NAV1: variants seen among roughly 807,000 people sequenced by gnomAD.
The protein encoded by NAV1 is neuron navigator 1.
In NAV1, 18 loss-of-function variants were observed where a neutral mutation model predicts 175.2. The ratio of observed to expected loss-of-function variants is 0.10; its 90% confidence interval spans 0.07 to 0.15. The LOEUF (loss-of-function observed/expected upper bound fraction) is 0.15, where lower values mean the gene tolerates loss of function less well. Among genes scored for constraint, NAV1 ranks in the 10% least tolerant of loss-of-function variants. The pLI is 1.00. For missense variants in NAV1, 1,731 were observed against 2,436.6 expected, an observed-to-expected ratio of 0.71 and a Z score of 6.10; for synonymous variants, 897 against 978.7, an observed-to-expected ratio of 0.92 and a Z score of 1.56.
chr1:201,801,925 C>G (rs1411748957), intron 15 of NAV1, among the ~76,000 whole-genome samples: 1 of 151,686 alleles, frequency 6.6e-6, no homozygotes, highest in African/African-American at 2.4e-5. Flanking sequence ...CACCTGAGGT[C>G]AGAAGTTTGA....
chr1:201,767,708 A>G (rs951702920), intron 3 of NAV1, among the ~76,000 whole-genome samples: 1 of 152,050 alleles, frequency 6.6e-6, no homozygotes, highest in African/African-American at 2.4e-5. Context: ...TAGGTCACCA[A>G]CGTCTTAACA....
Position 201,740,205 on chromosome 1 carries a change from G to T in NAV1, c.1226+21450G>T, listed in dbSNP as rs956994552. 5.1e-6 allele frequency: 4 copies of T among 779,094 alleles called. No homozygotes were observed. The African/African-American group carries it at 5.5e-5, about 11-fold the overall frequency. 48.3% of individuals were successfully genotyped at this position (779,094 alleles called of 1,614,324 possible). On this transcript the variant is annotated intron_variant, in intron 3 of 29. Coordinates refer to ENST00000367296, the Ensembl canonical transcript of NAV1. This position sits in a 1 kb window ranked among gnomAD's most constrained non-coding sequence, Gnocchi z 4.7. ...CAGTCTCAGGGGCAGTGGGTGTGGG[G>T]TCCGCAAGAAGGAGGGTCTTGGCCG...
upstream of NAV1, chr1:201,622,754 C>T (rs1267714526): frequency 1.6e-5 from 15 of 912,332 alleles, no homozygotes; most frequent in Middle Eastern, 1.1e-3. Flanking sequence ...TCTGGGTGCT[C>T]GAGCCTCCCC....
At chr1:201,765,544 GCCACC>G (rs1391619369) in intron 3 of NAV1, among the ~76,000 whole-genome samples, 4 of 151,946 alleles carry the variant, frequency 2.6e-5, no homozygotes, top group Admixed American at 2.6e-4. Flanking sequence ...ACAGGCGCGT[GCCACC>G]ACACCTAGCT....
exon 1 of NAV1, chr1:201,648,544 C>A: frequency 2.4e-6 from 3 of 1,247,046 alleles, no homozygotes; most frequent in South Asian, 3.7e-5. Flanking sequence ...CCTTCTTCCT[C>A]GGTTTCTTCC....
intron 1 of NAV1, among the ~76,000 whole-genome samples, chr1:201,651,733 T>C (rs529613923): frequency 1.3e-5 from 2 of 152,076 alleles, no homozygotes; most frequent in African/African-American, 4.8e-5. Flanking sequence ...CTATGTCTAC[T>C]GGGTATGGGC....
chr1:201,658,084 G>C (rs767885106), intron 1 of NAV1, among the ~76,000 whole-genome samples: 6 of 152,122 alleles, frequency 3.9e-5, no homozygotes, highest in Non-Finnish European at 8.8e-5. Flanking sequence ...ACAGAGCTAG[G>C]ATTTAAACTT....
rs1678758605 is a variant in NAV1 at position 201,812,549 on chromosome 1, C to T, written c.5109C>T (p.Ser1703=). Reference sequence around the variant, plus strand: ...GGAGGAAGCTGGTAGAGTCAGACAGCGACATCAATGCCAACAAGGAAGAGC... The same window carrying T: ...GGAGGAAGCTGGTAGAGTCAGACAGTGACATCAATGCCAACAAGGAAGAGC... The change falls in exon 27 of 30, where the codon AGC becomes AGT. Residue 1703 remains serine (S), a synonymous_variant. Transcript: ENST00000367296. The surrounding 1 kb of genome is among the most constrained non-coding windows in gnomAD (Gnocchi z 4.6). The T allele has an allele frequency of 6.2e-7, 1 of 1,614,072 alleles. No homozygotes were observed. The highest frequency in any genetic ancestry group is 1.7e-5 in the Admixed American group (1 of 60,004).
rs749683065 is a variant in NAV1 at position 201,539,914 on chromosome 1, C to G, written c.-144+572C>G. On this transcript the variant is annotated intron_variant, in intron 1 of 33. Transcript: ENST00000685211. This position sits in a 1 kb window ranked among gnomAD's most constrained non-coding sequence, Gnocchi z 5.6. ...GCCCTCCCGCCAATCTCCCGGAGGCCGTCCTCTCTGGCGCCCGCCCAGTGC... is the reference window on the plus strand; with the variant it reads ...GCCCTCCCGCCAATCTCCCGGAGGCGGTCCTCTCTGGCGCCCGCCCAGTGC... Among the ~76,000 whole-genome samples the G allele has an allele frequency of 3.3e-5, 5 of 152,184 alleles. No homozygotes were observed. Among genetic ancestry groups the G allele is most frequent in the Non-Finnish European group, 7.3e-5 (5 of 68,036 alleles).
chr1:201,543,598 A>T (rs1665581078), intron 1 of NAV1, among the ~76,000 whole-genome samples: 2 of 152,030 alleles, frequency 1.3e-5, no homozygotes, highest in South Asian at 4.1e-4. Context: ...GGATGGGTTG[A>T]TGTATTTAAT....
intron 2 of NAV1, among the ~76,000 whole-genome samples, chr1:201,633,724 C>A (rs533318740): frequency 2.6e-5 from 4 of 152,330 alleles, no homozygotes; most frequent in African/African-American, 9.6e-5. Context: ...GACCTCCAGG[C>A]CAAGATGAGC....
Position 201,694,651 on chromosome 1 carries a change from C to T in NAV1, c.758-18166C>T, listed in dbSNP as rs1032088104. Among the ~76,000 whole-genome samples, 1 of 152,090 alleles carries T rather than the reference C, an allele frequency of 6.6e-6. No individual in the cohort carries two copies. Among genetic ancestry groups the T allele is most frequent in the Non-Finnish European group, 1.5e-5 (1 of 68,024 alleles). On this transcript the variant is annotated intron_variant, in intron 1 of 29. Transcript: ENST00000367296. The surrounding 1 kb of genome is among the most constrained non-coding windows in gnomAD (Gnocchi z 4.2). The stretch of plus-strand genomic sequence containing the variant: ...CTATTGACAAAGATGAGAAGTGAAC[C>T]GGGAGCCGTAAATAGCCAGGAGCCT...
intron 7 of NAV1, among the ~76,000 whole-genome samples, chr1:201,784,670 G>C: frequency 6.7e-6 from 1 of 150,174 alleles, no homozygotes; most frequent in African/African-American, 2.5e-5. Flanking sequence ...CCCGGGAGCT[G>C]CAACTACAGG....
At chr1:201,630,114 T>C (rs919785124) in intron 2 of NAV1, among the ~76,000 whole-genome samples, 46 of 152,238 alleles carry the variant, frequency 3.0e-4, no homozygotes, top group Non-Finnish European at 5.9e-4. Flanking sequence ...AAATGAATGA[T>C]GCATGGATGA....
intron 3 of NAV1, among the ~76,000 whole-genome samples, chr1:201,735,988 T>A (rs573435028): frequency 6.6e-6 from 1 of 152,336 alleles, no homozygotes; most frequent in South Asian, 2.1e-4. Flanking sequence ...TTTAATTCTT[T>A]CTCTTTTTAA....
intron 3 of NAV1, among the ~76,000 whole-genome samples, chr1:201,729,636 G>A (rs1304084812): frequency 3.3e-5 from 5 of 152,016 alleles, no homozygotes; most frequent in Non-Finnish European, 7.3e-5. Context: ...GCCAGGTGCG[G>A]TGGCTCACAC....
At chr1:201,746,732 GTC>G (rs1397591788) in intron 3 of NAV1, among the ~76,000 whole-genome samples, 1 of 152,202 alleles carries the variant, frequency 6.6e-6, no homozygotes, top group Non-Finnish European at 1.5e-5. Context: ...CAGGTGCAGT[GTC>G]TCGTGCCTGT....
chr1:201,727,056 A>G (rs145427511), intron 3 of NAV1, among the ~76,000 whole-genome samples: 1 of 152,270 alleles, frequency 6.6e-6, no homozygotes, highest in East Asian at 1.9e-4. Flanking sequence ...TCAGCCGAAA[A>G]CTGTGGAGAG....
chr1:201,798,695 C>CTTTTTTTTTTTTTTTTTTTTTTTTT (rs764483919), intron 15 of NAV1: 1 of 69,502 alleles, frequency 1.4e-5, no homozygotes, highest in Non-Finnish European at 2.4e-5. Flanking sequence ...TTTTCTCTCT[C>CTTTTTTTTTTTTTTTTTTTTTTTTT]TTTTTTTTTT....
Sources: gnomAD v4.1 joint callset for allele counts (sites outside exome capture counted in the v4.1 genomes callset) on GRCh38, gnomAD v4.1.1 for gene constraint, Gnocchi (gnomAD v3.1) non-coding constraint, MANE v1.5 for transcripts, NCBI Gene and HGNC (gene_info 2026-07-23, HGNC 2026-07-21) for gene names.